The following LCTL variants were observed in gnomAD, a reference collection of about 807,000 sequenced individuals.
LCTL encodes the protein lactase like.
Under a neutral mutation model 75.8 loss-of-function variants are expected in LCTL, and 76 were observed. The observed-to-expected ratio is 1.00, with a 90% CI of 0.83 to 1.21. The LOEUF is 1.21. Ranked by LOEUF, LCTL falls within the 50% of genes most tolerant of loss-of-function variation. The pLI is 0.00. For synonymous variants in LCTL, 271 were observed against 268.8 expected, an observed-to-expected ratio of 1.01 and a Z score of -0.08; for missense variants, 670 against 712.4, an observed-to-expected ratio of 0.94 and a Z score of 0.68.
chr15:66,564,999 C>A (rs371101783), intron 1 of LCTL, among the ~76,000 whole-genome samples, 160 bp from the exon 3 acceptor site: 1 of 152,102 alleles, frequency 6.6e-6, no homozygotes, highest in Non-Finnish European at 1.5e-5. Flanking sequence ...GCACATGAGG[C>A]ACGGTAGGGG....
chr15:66,554,111 T>A (rs1895684466), intron 8 of LCTL, among the ~76,000 whole-genome samples: 1 of 151,554 alleles, frequency 6.6e-6, no homozygotes, highest in Non-Finnish European at 1.5e-5. Flanking sequence ...ACCAACATGG[T>A]GAAACCCCAT....
At chr15:66,552,097 A>G in exon 10 of LCTL, 4 of 1,611,972 alleles carry the variant, frequency 2.5e-6, no homozygotes, top group Non-Finnish European at 2.5e-6. Flanking sequence ...CACTCATCAC[A>G]TAATTGAGTA....
At position 66,564,009 on chromosome 15, in the gene LCTL, AG is replaced by A. The variant is rs755665543; in HGVS notation, c.283-12del. On this transcript the variant is annotated splice_polypyrimidine_tract_variant and intron_variant, in intron 2 of 12. Transcript: ENST00000341509. Reference sequence around the variant, plus strand: ...CAGAATGATGTCCTCCTGTGCAGACAGGGGTGGGGAGACAGGTCACCTGGGC... The same window carrying A: ...CAGAATGATGTCCTCCTGTGCAGACAGGGTGGGGAGACAGGTCACCTGGGC... 1 of 1,600,452 alleles carries A rather than the reference AG, an allele frequency of 6.2e-7. No homozygotes were observed. Among genetic ancestry groups the A allele is most frequent in the South Asian group, 1.1e-5 (1 of 90,824 alleles).
At chr15:66,564,600 C>A in intron 2 of LCTL, 76 bp downstream of exon 3, 1 of 1,504,952 alleles carries the variant, frequency 6.6e-7, no homozygotes, top group South Asian at 1.2e-5. Context: ...ACGTCACTCC[C>A]TGCCTCCCAG....
chr15:66,563,561 G>T (rs1181619208), exon 4 of LCTL: 1 of 1,612,632 alleles, frequency 6.2e-7, no homozygotes, highest in Non-Finnish European at 8.5e-7. Flanking sequence ...GAGTGATGTT[G>T]CTGCTCAGAA....
At chr15:66,563,679 G>T in intron 3 of LCTL, 54 bp from the exon 5 acceptor site, 1 of 1,359,990 alleles carries the variant, frequency 7.4e-7, no homozygotes, top group Non-Finnish European at 1.0e-6. Flanking sequence ...CCTTGGCCTT[G>T]GCCTTCTGGA....
At chr15:66,563,437 G>A (rs765444227) in intron 4 of LCTL, 79 bp downstream of exon 5, 30 of 907,574 alleles carry the variant, frequency 3.3e-5, no homozygotes, top group Non-Finnish European at 4.6e-5. Context: ...CTCCACCTTG[G>A]CAACCCAAGT....
At chr15:66,555,614 T>C (rs1029524606) in intron 8 of LCTL, among the ~76,000 whole-genome samples, 1 of 152,108 alleles carries the variant, frequency 6.6e-6, no homozygotes, top group Non-Finnish European at 1.5e-5. Flanking sequence ...TAGGCAGTTA[T>C]ATCTTGACTC....
In LCTL at chr15:66,553,253, T is replaced by A; in HGVS notation, c.928A>T (p.Lys310Ter). Residue 310 changes from lysine to a stop codon, truncating the protein, a stop_gained, in exon 9 of 13, where the codon AAG becomes TAG. Coordinates refer to ENST00000341509, the Ensembl canonical transcript of LCTL. LOFTEE classifies it high-confidence loss of function. ...ATCTCCAGGCCTTGCTCTGCACTCTTTCTTCCTTTTGAGAGAGAAAAGTAG... is the reference window on the plus strand; with the variant it reads ...ATCTCCAGGCCTTGCTCTGCACTCTATCTTCCTTTTGAGAGAGAAAAGTAG... 1.3e-6 allele frequency: 2 copies of A among 1,550,608 alleles called. No individual in the cohort carries two copies. The highest frequency in any genetic ancestry group is 2.5e-5 in the South Asian group (2 of 80,094).
rs185068833 is a variant in LCTL at position 66,550,407 on chromosome 15, C to T, written c.1525-303G>A. Among the ~76,000 whole-genome samples the T allele has an allele frequency of 1.2e-4, 19 of 152,282 alleles. No homozygotes were observed. The South Asian group carries it at 3.3e-3, about 27-fold the overall frequency. ...TCACTGCTTCCATTTAATAGTCCTACGGGGCTCACCTTAAAATAGTTTTGG... is the reference window on the plus strand; with the variant it reads ...TCACTGCTTCCATTTAATAGTCCTATGGGGCTCACCTTAAAATAGTTTTGG... On this transcript the variant is annotated intron_variant, in intron 11 of 12. Transcript: ENST00000341509.
intron 8 of LCTL, among the ~76,000 whole-genome samples, chr15:66,554,568 A>T (rs1327564747): frequency 6.6e-6 from 1 of 152,236 alleles, no homozygotes; most frequent in East Asian, 1.9e-4. Context: ...TTGTAAAAGC[A>T]TATGTCCTTT....
chr15:66,560,923 A>T, intron 6 of LCTL, 83 bp downstream of exon 7: 1 of 1,237,664 alleles, frequency 8.1e-7, no homozygotes, highest in South Asian at 1.2e-5. Flanking sequence ...GTGGAGCGGC[A>T]GAGGACCAAG....
exon 4 of LCTL, chr15:66,563,581 T>C (rs1895948246): frequency 6.2e-7 from 1 of 1,612,706 alleles, no homozygotes; most frequent in Non-Finnish European, 8.5e-7. Context: ...AGGGCATCGA[T>C]AAGATCACTG....
At chr15:66,565,474 G>T in exon 1 of LCTL, 1 of 648,578 alleles carries the variant, frequency 1.5e-6, no homozygotes, top group South Asian at 2.0e-5. Context: ...GTGGGGAGAG[G>T]AAGGGAAAGG....
At chr15:66,559,061 G>A (rs1895818316) in intron 6 of LCTL, among the ~76,000 whole-genome samples, 1 of 150,424 alleles carries the variant, frequency 6.6e-6, no homozygotes, top group African/African-American at 2.5e-5. Context: ...ATGGGGTCTT[G>A]CTTGTTGTCT....
At position 66,557,272 on chromosome 15, in the gene LCTL, A is replaced by T. The variant is rs576600980; in HGVS notation, c.922+450T>A. Among the ~76,000 whole-genome samples the T allele has an allele frequency of 2.0e-5, 3 of 152,248 alleles. No homozygotes were observed. In the East Asian group the frequency reaches 5.8e-4, roughly 29 times the overall value. Reference sequence around the variant, plus strand: ...GTGGCAGTTAAAAACATCCAAATTGATATATCCCTGTAAGCCTTACTTGTG... The same window carrying T: ...GTGGCAGTTAAAAACATCCAAATTGTTATATCCCTGTAAGCCTTACTTGTG... On this transcript the variant is annotated intron_variant, in intron 8 of 12. Coordinates refer to ENST00000341509, the Ensembl canonical transcript of LCTL.
chr15:66,558,114 G>T, intron 6 of LCTL, 78 bp from the exon 8 acceptor site: 2 of 1,276,036 alleles, frequency 1.6e-6, no homozygotes, highest in Non-Finnish European at 1.1e-6. Flanking sequence ...GCCTTTCTTT[G>T]CTTCCTAACT....
intron 8 of LCTL, among the ~76,000 whole-genome samples, chr15:66,555,668 A>G (rs919664579): frequency 2.0e-5 from 3 of 152,252 alleles, no homozygotes; most frequent in East Asian, 1.9e-4. Context: ...AAAGAAGCAA[A>G]CATAAATAGA....
At position 66,564,936 on chromosome 15, in the gene LCTL, T is replaced by A. The variant is rs192324339; in HGVS notation, c.119-97A>T. ...CCTCCCAGGCCTCAGGGACTGCCCCTCCCTACCACGCTGCCCCTGTCCCAC... is the reference window on the plus strand; with the variant it reads ...CCTCCCAGGCCTCAGGGACTGCCCCACCCTACCACGCTGCCCCTGTCCCAC... On this transcript the variant is annotated intron_variant, in intron 1 of 12. Transcript: ENST00000341509. 107 of 1,173,298 alleles carry A rather than the reference T, an allele frequency of 9.1e-5. No homozygotes were observed. The Middle Eastern group carries it at 9.2e-4, about 10-fold the overall frequency. The allele number at this position is 1,173,298 out of a possible 1,614,324, so 72.7% of individuals were successfully genotyped here.
Sources: allele counts gnomAD v4.1 joint callset (sites outside exome capture counted in the v4.1 genomes callset), GRCh38; gene constraint gnomAD v4.1.1; transcripts MANE v1.5; gene names NCBI Gene and HGNC (gene_info 2026-07-23, HGNC 2026-07-21).